Variants in DOCK7 observed in about 807,000 individuals in gnomAD.
DOCK7 encodes dedicator of cytokinesis 7.
In DOCK7, 138 loss-of-function variants were observed where a neutral mutation model predicts 271.0. The observed-to-expected ratio is 0.51, with a 90% CI of 0.44 to 0.59. DOCK7 has a LOEUF of 0.59. Among genes scored for constraint, DOCK7 ranks in the 20% least tolerant of loss-of-function variants. The probability of loss-of-function intolerance (pLI) is 0.00; values close to 1 mark genes in which losing one functional copy is unlikely to be tolerated. For synonymous variants in DOCK7, 823 were observed against 876.1 expected, an observed-to-expected ratio of 0.94 and a Z score of 1.07; for missense variants, 2,066 against 2,592.4, an observed-to-expected ratio of 0.80 and a Z score of 4.41.
intron 1 of DOCK7, among the ~76,000 whole-genome samples, chr1:62,677,590 C>T (rs1201527679): frequency 1.3e-5 from 2 of 151,584 alleles, no homozygotes; most frequent in Non-Finnish European, 2.9e-5. Context: ...ACCGAAAAAG[C>T]AGTGATATAT....
At position 62,506,627 on chromosome 1, in the gene DOCK7, C is replaced by A. The variant is rs570427921; in HGVS notation, c.4477-811G>T. Among the ~76,000 whole-genome samples, 266 of 152,016 alleles carry A rather than the reference C, an allele frequency of 1.7e-3. 2 individuals are homozygous for A. Among genetic ancestry groups the A allele is most frequent in the African/African-American group, 5.8e-3 (241 of 41,530 alleles). On this transcript the variant is annotated intron_variant, in intron 35 of 49. Transcript: ENST00000635253. ...CTAGGATTACAGGTGTGCGCCACCA[C>A]ACCCAGCTAATTTTTTTATTTTTAG...
chr1:62,599,910 T>C (rs556685263), intron 14 of DOCK7, among the ~76,000 whole-genome samples: 92 of 152,042 alleles, frequency 6.1e-4, no homozygotes, highest in African/African-American at 2.2e-3. Context: ...ATATTAATAA[T>C]ACTCTCAAAC....
chr1:62,539,928 A>C (rs753546434), intron 25 of DOCK7, 36 bp from the exon 26 acceptor site: 2 of 1,438,416 alleles, frequency 1.4e-6, no homozygotes, highest in Non-Finnish European at 9.4e-7. Context: ...TTTCCTATGA[A>C]TATATTTAAC....
intron 44 of DOCK7, 102 bp from the exon 45 acceptor site, chr1:62,476,258 T>C: frequency 4.2e-6 from 3 of 722,714 alleles, no homozygotes; most frequent in Non-Finnish European, 6.9e-6. Context: ...AATTAGTGAG[T>C]TCTGTACAAT....
In DOCK7 at chr1:62,665,588, C is replaced by A. The variant is rs769344400; in HGVS notation, c.39-2458G>T. 5.8e-4 allele frequency among the ~76,000 whole-genome samples: 88 copies of A among 151,562 alleles called. 1 individual carries two copies. Among genetic ancestry groups the A allele is most frequent in the Non-Finnish European group, 7.5e-4 (51 of 67,896 alleles). ...GCGTGGTGGTGCCTTGGCTGTAGTC[C>A]CAGCTACTTGGGAGGCTGAGGCAGG... is the stretch of plus-strand genomic sequence containing the variant. On this transcript the variant is annotated intron_variant, in intron 1 of 49. Transcript: ENST00000635253.
intron 18 of DOCK7, among the ~76,000 whole-genome samples, chr1:62,564,674 T>G (rs1201207660): frequency 6.6e-6 from 1 of 152,048 alleles, no homozygotes; most frequent in African/African-American, 2.4e-5. Flanking sequence ...AGTCAAAAGC[T>G]AGCAGAAGAC....
At chr1:62,535,127 G>GA (rs1645299839) in intron 29 of DOCK7, among the ~76,000 whole-genome samples, 2 of 151,932 alleles carry the variant, frequency 1.3e-5, no homozygotes, top group Admixed American at 1.3e-4. Flanking sequence ...TCCTGACAAG[G>GA]AATCAAATAA....
In DOCK7 at chr1:62,513,762, C is replaced by T. The variant is rs150781290; in HGVS notation, c.4073G>A (p.Arg1358Gln). 109 of 1,613,970 alleles carry T rather than the reference C, an allele frequency of 6.8e-5. 1 individual carries two copies. The highest frequency in any genetic ancestry group is 5.5e-5 in the South Asian group (5 of 91,076). The change falls in exon 32 of 50, where the codon CGG becomes CAG. Residue 1358 changes from arginine to glutamine, a missense_variant. By Grantham distance (43) the Arg-to-Gln change is conservative (BLOSUM62 1). This residue lies in a region of DOCK7 where 1,414 missense variants were observed against 1,670.4 expected (regional missense o/e 0.85). Transcript: ENST00000635253. ...ACAGAGATAAAGCAGATCTAATAGC[C>T]GGTTTAGCTGCAAGACTGAGAGATC... Reference protein sequence around the residue: ...FTDLSVLQLNRLLDLLYLCVS... With the variant: ...FTDLSVLQLNQLLDLLYLCVS...
At chr1:62,603,687 A>G (rs1042295137) in intron 14 of DOCK7, among the ~76,000 whole-genome samples, 1 of 151,862 alleles carries the variant, frequency 6.6e-6, no homozygotes, top group African/African-American at 2.4e-5. Flanking sequence ...TAAAATATCT[A>G]TAATAATGTA....
intron 14 of DOCK7, chr1:62,608,895 A>G (rs1651389136): frequency 6.6e-6 from 1 of 152,190 alleles, no homozygotes; most frequent in South Asian, 2.1e-4. Context: ...ATTAAACAAC[A>G]CTTATTGAGC....
intron 16 of DOCK7, among the ~76,000 whole-genome samples, chr1:62,582,378 G>C (rs1439304484): frequency 1.3e-5 from 2 of 150,096 alleles, no homozygotes; most frequent in Middle Eastern, 3.4e-3. Flanking sequence ...GTGAAAACCC[G>C]TCTCTACTAA....
intron 38 of DOCK7, chr1:62,496,020 A>G: frequency 2.8e-6 from 1 of 353,702 alleles, no homozygotes; most frequent in Non-Finnish European, 5.0e-6. Flanking sequence ...AGTTTGTAGA[A>G]ACTTTAGTTT....
intron 46 of DOCK7, 157 bp from the exon 47 acceptor site, chr1:62,475,508 AATC>A (rs1232381673): frequency 8.9e-7 from 1 of 1,129,428 alleles, no homozygotes; most frequent in African/African-American, 1.6e-5. Context: ...AAAAAAAAAA[AATC>A]AACCTTTTAA....
At chr1:62,625,136 T>TA (rs1167354233) in intron 12 of DOCK7, 123 bp downstream of exon 12, 7 of 800,132 alleles carry the variant, frequency 8.7e-6, no homozygotes, top group African/African-American at 7.0e-5. Context: ...TTTTTATTCT[T>TA]AAAGTTTTTA....
At chr1:62,593,120 C>T (rs1648704645) in intron 14 of DOCK7, among the ~76,000 whole-genome samples, 1 of 151,952 alleles carries the variant, frequency 6.6e-6, no homozygotes, top group African/African-American at 2.4e-5. Flanking sequence ...ATATCATGAG[C>T]TATTATACAT....
chr1:62,636,680 T>A, intron 7 of DOCK7, 77 bp from the exon 8 acceptor site: 1 of 1,248,052 alleles, frequency 8.0e-7, no homozygotes, highest in Non-Finnish European at 1.1e-6. Context: ...ATTCCAAAAC[T>A]AAATTATCAC....
At chr1:62,634,975 A>G in intron 8 of DOCK7, 53 bp from the exon 9 acceptor site, 4 of 1,276,634 alleles carry the variant, frequency 3.1e-6, no homozygotes, top group Non-Finnish European at 3.2e-6. Flanking sequence ...TACAGTGTCT[A>G]TTTCTTAAAA....
intron 6 of DOCK7, 141 bp from the exon 7 acceptor site, chr1:62,647,917 C>A: frequency 1.2e-6 from 1 of 825,708 alleles, no homozygotes; most frequent in African/African-American, 1.7e-5. Context: ...TATCCACAGA[C>A]AGAAGTCATT....
At chr1:62,597,601 C>T (rs1216052225) in intron 14 of DOCK7, 2 of 1,612,522 alleles carry the variant, frequency 1.2e-6, no homozygotes, top group South Asian at 1.1e-5. Context: ...TTTATTGTTC[C>T]TCTAGTTATT....
Sources: gnomAD v4.1 joint callset for allele counts (sites outside exome capture counted in the v4.1 genomes callset) on GRCh38, gnomAD v4.1.1 for gene constraint, gnomAD v4.1.1 regional missense constraint, MANE v1.5 for transcripts, NCBI Gene and HGNC (gene_info 2026-07-23, HGNC 2026-07-21) for gene names.